NAV3: variants seen among roughly 807,000 people sequenced by gnomAD.
NAV3 encodes the protein neuron navigator 3, also known as pore membrane and/or filament interacting like protein 1.
A neutral mutation model predicts 244.7 loss-of-function variants in NAV3; 87 were observed. The observed-to-expected ratio is 0.36, with a 90% CI of 0.30 to 0.42. The LOEUF is 0.42. NAV3 is among the 20% of genes least tolerant of loss of function. The pLI, the probability that NAV3 is intolerant of heterozygous loss-of-function variation, is 1.00. For synonymous variants in NAV3, 1,126 were observed against 1,042.2 expected (o/e 1.08, Z -1.55); for missense variants, 2,663 against 2,893.3 (o/e 0.92, Z 1.83).
intron 2 of NAV3, among the ~76,000 whole-genome samples, chr12:77,764,853 G>A (rs1193326294): frequency 6.6e-6 from 1 of 152,164 alleles, no homozygotes; most frequent in African/African-American, 2.4e-5. Context: ...TCATTGTTTT[G>A]GAAACTATCC....
chr12:78,202,229 CA>C (rs34229711), intron 38 of NAV3, among the ~76,000 whole-genome samples: 95 of 151,002 alleles, frequency 6.3e-4, no homozygotes, highest in African/African-American at 2.2e-3. Flanking sequence ...TTATTTGTAC[CA>C]AAAAAAATCA....
At chr12:77,970,285 G>A (rs1341664693) in intron 5 of NAV3, among the ~76,000 whole-genome samples, 1 of 152,126 alleles carries the variant, frequency 6.6e-6, no homozygotes, top group Non-Finnish European at 1.5e-5. Flanking sequence ...TTAACCTTGA[G>A]TTTGGTAATT....
intron 1 of NAV3, among the ~76,000 whole-genome samples, chr12:77,832,100 T>C (rs972566330): frequency 5.9e-5 from 9 of 152,220 alleles, no homozygotes; most frequent in African/African-American, 2.2e-4. Flanking sequence ...TAATAATTCA[T>C]ATAGACACCA....
rs75139064 is a variant in NAV3, at chr12:77,736,569, A to G, written c.72+164303A>G. ...TCTTCTTTCCATGTGGCCACTCCAA[A>G]GGGGATAGATATATTTCTTACATGG... On this transcript the variant is annotated intron_variant, in intron 2 of 8. Coordinates refer to the NAV3 transcript ENST00000550042. 3.7e-3 allele frequency among the ~76,000 whole-genome samples: 559 copies of G among 152,236 alleles called. 3 individuals carry two copies. Among genetic ancestry groups the G allele is most frequent in the African/African-American group, 0.013 (523 of 41,530 alleles).
At chr12:78,181,960 C>T (rs1428027017) in intron 30 of NAV3, among the ~76,000 whole-genome samples, 1 of 151,950 alleles carries the variant, frequency 6.6e-6, no homozygotes, top group Non-Finnish European at 1.5e-5. Context: ...TATGGCTGCT[C>T]TTCATAATAT....
intron 3 of NAV3, among the ~76,000 whole-genome samples, chr12:77,959,747 T>G (rs1891704982): frequency 6.6e-6 from 1 of 151,328 alleles, no homozygotes; most frequent in Non-Finnish European, 1.5e-5. Context: ...CATTTCAATT[T>G]TTATGGACTA....
At chr12:77,653,160 T>C (rs1001071613) in intron 2 of NAV3, among the ~76,000 whole-genome samples, 1 of 152,198 alleles carries the variant, frequency 6.6e-6, no homozygotes, top group East Asian at 1.9e-4. Flanking sequence ...ATGATGAATC[T>C]TGAGAATGGT....
chr12:77,767,449 G>C (rs1011989179), intron 2 of NAV3, among the ~76,000 whole-genome samples: 1 of 152,138 alleles, frequency 6.6e-6, no homozygotes, highest in Non-Finnish European at 1.5e-5. Context: ...CTGGTAGTCT[G>C]CACTTGGCTA....
intron 2 of NAV3, among the ~76,000 whole-genome samples, chr12:77,641,716 C>T (rs1001058372): frequency 6.6e-6 from 1 of 151,994 alleles, no homozygotes; most frequent in Non-Finnish European, 1.5e-5. Flanking sequence ...ATTATACATA[C>T]ACCTCCTTCT....
At chr12:77,852,569 A>G (rs534603613) in intron 1 of NAV3, among the ~76,000 whole-genome samples, 7 of 152,098 alleles carry the variant, frequency 4.6e-5, no homozygotes, top group African/African-American at 1.7e-4. Context: ...ATAAATAAAT[A>G]AATAAATAAT....
chr12:78,211,787 G>A lies in NAV3; in HGVS notation c.*1270G>A, dbSNP rs1960902570. 2 of 152,274 alleles carry A rather than the reference G, an allele frequency of 1.3e-5. No homozygotes were observed. The highest frequency in any genetic ancestry group is 4.8e-5 in the African/African-American group (2 of 41,362). The allele number at this position is 152,274 out of a possible 1,614,324, so 9.4% of individuals were successfully genotyped here. On this transcript the variant is annotated 3_prime_UTR_variant, in exon 40 of 40. Transcript: ENST00000397909. ...GCATGTTGTTTTGATTGCTATTGTT[G>A]TACATGAGAAATTCAGCATTAAAGA...
At chr12:78,183,042 C>T (rs1357547679) in intron 30 of NAV3, among the ~76,000 whole-genome samples, 4 of 151,936 alleles carry the variant, frequency 2.6e-5, no homozygotes, top group Admixed American at 6.6e-5. Flanking sequence ...TAAAGACAGA[C>T]ATTTCAGAAG....
chr12:77,861,648 G>C (rs1238048200), intron 1 of NAV3, among the ~76,000 whole-genome samples: 3 of 151,762 alleles, frequency 2.0e-5, no homozygotes, highest in Non-Finnish European at 3.0e-5. Context: ...ATTACCTTCT[G>C]TCCAGATATT....
intron 7 of NAV3, 125 bp downstream of exon 7, chr12:77,998,601 T>A (rs995717104): frequency 1.9e-5 from 20 of 1,029,720 alleles, no homozygotes; most frequent in Non-Finnish European, 2.6e-5. Flanking sequence ...AGTTTCTTTA[T>A]GTTTCCTAAC....
At chr12:77,999,992 A>G (rs1427957878) in intron 7 of NAV3, among the ~76,000 whole-genome samples, 3 of 152,196 alleles carry the variant, frequency 2.0e-5, no homozygotes, top group African/African-American at 7.2e-5. Context: ...AATTACTAGC[A>G]ATGTTTGTAA....
At chr12:77,697,235 A>G (rs1167083498) in intron 2 of NAV3, among the ~76,000 whole-genome samples, 1 of 152,074 alleles carries the variant, frequency 6.6e-6, no homozygotes, top group South Asian at 2.1e-4. Context: ...CTGTAGATGC[A>G]CTATCACCAT....
At chr12:77,579,453 G>A (rs747165590) in intron 2 of NAV3, among the ~76,000 whole-genome samples, 16 of 152,202 alleles carry the variant, frequency 1.1e-4, no homozygotes, top group Non-Finnish European at 2.2e-4. Context: ...TGAGGTGCTG[G>A]CACCTGGTGA....
intron 2 of NAV3, among the ~76,000 whole-genome samples, chr12:77,822,870 G>T (rs181148205): frequency 5.7e-4 from 87 of 152,158 alleles, no homozygotes; most frequent in Non-Finnish European, 7.2e-4. Context: ...AAGTGATAAT[G>T]CACAATACAA....
intron 2 of NAV3, among the ~76,000 whole-genome samples, chr12:77,611,902 T>G (rs1870932026): frequency 6.6e-6 from 1 of 152,084 alleles, no homozygotes; most frequent in Non-Finnish European, 1.5e-5. Flanking sequence ...ATTCATTTAT[T>G]CAAAGATGTT....
Sources: allele counts gnomAD v4.1 joint callset (sites outside exome capture counted in the v4.1 genomes callset), GRCh38; gene constraint gnomAD v4.1.1; transcripts MANE v1.5; gene names NCBI Gene and HGNC (gene_info 2026-07-23, HGNC 2026-07-21).